The following PITPNM2 variants were observed in gnomAD, a reference collection of about 807,000 sequenced individuals.
The protein encoded by PITPNM2 is phosphatidylinositol transfer protein membrane associated 2.
In PITPNM2, 35 loss-of-function variants were observed where a neutral mutation model predicts 132.2. The ratio of observed to expected loss-of-function variants is 0.26; its 90% CI spans 0.20 to 0.35. The LOEUF (loss-of-function observed/expected upper bound fraction) is 0.35, where lower values mean the gene tolerates loss of function less well. Ranked by LOEUF, PITPNM2 falls within the 10% of genes least tolerant of loss-of-function variation. The pLI is 1.00. For missense variants in PITPNM2, 1,332 were observed against 1,912.0 expected (o/e 0.70, Z 5.66); for synonymous variants, 738 against 799.2 (o/e 0.92, Z 1.29).
chr12:123,060,126 C>T (rs1044362255), intron 2 of PITPNM2, among the ~76,000 whole-genome samples: 6 of 152,154 alleles, frequency 3.9e-5, no homozygotes, highest in African/African-American at 1.4e-4. Flanking sequence ...GAGCACAAAT[C>T]GAGGGTGAGT....
At chr12:123,130,346 G>C (rs1054316619) in intron 1 of PITPNM2, among the ~76,000 whole-genome samples, 1 of 152,116 alleles carries the variant, frequency 6.6e-6, no homozygotes, top group African/African-American at 2.4e-5. Flanking sequence ...GATAATTATA[G>C]ATGCAAAAGA....
intron 2 of PITPNM2, among the ~76,000 whole-genome samples, chr12:123,060,967 T>G (rs2041216248): frequency 6.6e-6 from 1 of 152,200 alleles, no homozygotes; most frequent in South Asian, 2.1e-4. Flanking sequence ...CATCTACCCA[T>G]GCATCCCTTC....
chr12:123,058,124 G>A lies in PITPNM2; in HGVS notation c.-95-23439C>T, dbSNP rs746462536. On this transcript the variant is annotated intron_variant, in intron 2 of 25. Transcript: ENST00000320201. This position sits in a 1 kb window ranked among gnomAD's most constrained non-coding sequence, Gnocchi z 4.0. ...CCACGTTCTTCACTTCTTCTTTTTG[G>A]GCATTTTGTCGGAAGGATAAACCAA... 6.6e-6 allele frequency among the ~76,000 whole-genome samples: 1 copy of A among 152,066 alleles called. No homozygotes were observed. Among genetic ancestry groups the A allele is most frequent in the Non-Finnish European group, 1.5e-5 (1 of 67,998 alleles).
chr12:123,143,242 G>A (rs2043544793), intron 1 of PITPNM2, among the ~76,000 whole-genome samples: 1 of 151,806 alleles, frequency 6.6e-6, no homozygotes, highest in African/African-American at 2.4e-5. Flanking sequence ...GGACACTGGT[G>A]CCCAGTGAGC....
intron 1 of PITPNM2, among the ~76,000 whole-genome samples, chr12:123,127,282 G>A (rs1431153081): frequency 6.6e-6 from 1 of 152,168 alleles, no homozygotes; most frequent in African/African-American, 2.4e-5. Context: ...AGTCCAGGTC[G>A]CAGGGGACCC....
Position 123,099,253 on chromosome 12 carries a change from C to CT in PITPNM2, c.-96+11131dup, listed in dbSNP as rs546516550. Among the ~76,000 whole-genome samples, 7 of 151,478 alleles carry CT rather than the reference C, an allele frequency of 4.6e-5. No homozygotes were observed. The highest frequency in any genetic ancestry group is 1.0e-4 in the Non-Finnish European group (7 of 67,818). ...TTTTGCTGAAAAAAAAAATATATAT[C>CT]TTTTTTTTTAAAGAATGAAACCTCA... On this transcript the variant is annotated intron_variant, in intron 2 of 25. Coordinates refer to ENST00000320201, the MANE Select transcript of PITPNM2 (RefSeq NM_020845.3). The surrounding 1 kb of genome is among the most constrained non-coding windows in gnomAD (Gnocchi z 4.2).
At chr12:123,066,938 G>A (rs980047914) in intron 2 of PITPNM2, among the ~76,000 whole-genome samples, 1 of 152,208 alleles carries the variant, frequency 6.6e-6, no homozygotes, top group Admixed American at 6.5e-5. Context: ...GGCCAGTGCA[G>A]TAGGTTTGCC....
chr12:123,128,188 T>G (rs1276495941), intron 1 of PITPNM2, among the ~76,000 whole-genome samples: 1 of 136,876 alleles, frequency 7.3e-6, no homozygotes, highest in African/African-American at 2.7e-5. Flanking sequence ...TCCTACCACT[T>G]TGGGAGGCCG....
chr12:123,028,977 T>A (rs1053865327), intron 3 of PITPNM2, among the ~76,000 whole-genome samples: 2 of 152,028 alleles, frequency 1.3e-5, no homozygotes, highest in African/African-American at 4.8e-5. Flanking sequence ...CAAGTCGGGG[T>A]GGCCTGAACC....
rs369275119 is a variant in PITPNM2 at position 123,095,051 on chromosome 12, C to A, written c.-96+15334G>T. On this transcript the variant is annotated intron_variant, in intron 2 of 25. Coordinates refer to ENST00000320201, the MANE Select transcript of PITPNM2 (RefSeq NM_020845.3). This position sits in a 1 kb window ranked among gnomAD's most constrained non-coding sequence, Gnocchi z 5.0. ...TACAACACTTTTTCTTTGGTCACTTCTTTTTCGGGGCACTGGGGCTCACAG... is the reference window on the plus strand; with the variant it reads ...TACAACACTTTTTCTTTGGTCACTTATTTTTCGGGGCACTGGGGCTCACAG... Among the ~76,000 whole-genome samples the A allele has an allele frequency of 8.5e-5, 13 of 152,348 alleles. No individual in the cohort carries two copies. In the East Asian group the frequency reaches 1.9e-3, roughly 23 times the overall value.
Position 123,150,862 on chromosome 12 carries a change from C to T in PITPNM2, c.-309G>A, listed in dbSNP as rs1357307098. ...CGCCCCGCGGCCCCGGCCCGGCCGG[C>T]TGCGCCCCGCGCGCCCCCGCCGCCT... On this transcript the variant is annotated 5_prime_UTR_variant, in exon 1 of 26. Transcript: ENST00000320201. This position sits in a 1 kb window ranked among gnomAD's most constrained non-coding sequence, Gnocchi z 6.0. Among the ~76,000 whole-genome samples, 4 of 146,066 alleles carry T rather than the reference C, an allele frequency of 2.7e-5. No homozygotes were observed. Among genetic ancestry groups the T allele is most frequent in the Admixed American group, 2.7e-4 (4 of 14,716 alleles).
rs772637661 is a variant in PITPNM2 at position 123,001,088 on chromosome 12, G to A, written c.1119C>T (p.Asp373=). 6.8e-6 allele frequency: 11 copies of A among 1,614,198 alleles called. No individual in the cohort carries two copies. In the East Asian group the frequency reaches 8.9e-5, roughly 13 times the overall value. ...ITKWSSNDLM[D]KIESPEPEDT... ...CTTCCGGCTCTGGGCTCTCGATCTTGTCCATGAGGTCATTGGAGCTCCACT... is the reference window on the plus strand; with the variant it reads ...CTTCCGGCTCTGGGCTCTCGATCTTATCCATGAGGTCATTGGAGCTCCACT... The change falls in exon 9 of 26, where the codon GAC becomes GAT. Residue 373 remains aspartate (D), a synonymous_variant. Coordinates refer to ENST00000320201, the MANE Select transcript of PITPNM2 (RefSeq NM_020845.3).
chr12:123,010,083 G>C lies in PITPNM2; in HGVS notation c.416-6C>G. On this transcript the variant is annotated splice_region_variant and splice_polypyrimidine_tract_variant and intron_variant, in intron 5 of 25. Coordinates refer to ENST00000320201, the MANE Select transcript of PITPNM2 (RefSeq NM_020845.3). ...TTTGACAATGTCGATGAAGTCTGTGGGTAAACCCTTAGAGTGGCCACTTCT... is the reference window on the plus strand; with the variant it reads ...TTTGACAATGTCGATGAAGTCTGTGCGTAAACCCTTAGAGTGGCCACTTCT... 1.2e-6 allele frequency: 2 copies of C among 1,610,652 alleles called. No homozygotes were observed. The highest frequency in any genetic ancestry group is 1.7e-6 in the Non-Finnish European group (2 of 1,177,074).
At chr12:123,043,676 G>A (rs997317919) in intron 2 of PITPNM2, among the ~76,000 whole-genome samples, 1 of 152,208 alleles carries the variant, frequency 6.6e-6, no homozygotes. Flanking sequence ...GCAGGAGTGG[G>A]ATGTTAGAGT....
At chr12:123,113,564 A>G (rs1295573704) in intron 1 of PITPNM2, among the ~76,000 whole-genome samples, 1 of 152,070 alleles carries the variant, frequency 6.6e-6, no homozygotes, top group Non-Finnish European at 1.5e-5. Flanking sequence ...AGCTGGGTGT[A>G]GTGGCACATG....
rs541994548 is a variant in PITPNM2 at position 123,010,137 on chromosome 12, C to T, written c.416-60G>A. ...CTGACCTCAACCCCCACCCACATCT[C>T]TCCATGTTCCTCCACCCCCAAATCC... On this transcript the variant is annotated intron_variant, in intron 5 of 25. Transcript: ENST00000320201. 3.0e-6 allele frequency: 4 copies of T among 1,348,734 alleles called. No homozygotes were observed. The African/African-American group carries it at 4.3e-5, about 15-fold the overall frequency. 83.5% of individuals were successfully genotyped at this position (1,348,734 alleles called of 1,614,324 possible). A position where few individuals can be genotyped will look rare whatever the true frequency, so the allele number is the denominator to read the frequency against.
At chr12:123,114,852 C>T (rs1053006458) in intron 1 of PITPNM2, among the ~76,000 whole-genome samples, 1 of 152,192 alleles carries the variant, frequency 6.6e-6, no homozygotes, top group African/African-American at 2.4e-5. Context: ...TGATTACTAC[C>T]GCTGCTTCAC....
At position 123,124,865 on chromosome 12, in the gene PITPNM2, T is replaced by C. The variant is rs528917611; in HGVS notation, c.-199-14377A>G. On this transcript the variant is annotated intron_variant, in intron 1 of 25. Transcript: ENST00000320201. ...TATTACTGAACTGTAATCTATGAGT[T>C]TGTAAGTTCCATAAGGAATGTATCT... Among the ~76,000 whole-genome samples, 90 of 152,364 alleles carry C rather than the reference T, an allele frequency of 5.9e-4. 1 individual carries two copies. The highest frequency in any genetic ancestry group is 2.1e-3 in the African/African-American group (86 of 41,588).
At chr12:122,990,782 G>A in intron 16 of PITPNM2, 73 bp from the exon 17 acceptor site, 1 of 1,472,560 alleles carries the variant, frequency 6.8e-7, no homozygotes, top group Non-Finnish European at 9.1e-7. Context: ...GGAAGCCAGT[G>A]TGCCAGGGTC....
Sources: gnomAD v4.1 joint callset for allele counts (sites outside exome capture counted in the v4.1 genomes callset) on GRCh38, gnomAD v4.1.1 for gene constraint, Gnocchi (gnomAD v3.1) non-coding constraint, MANE v1.5 for transcripts, NCBI Gene and HGNC (gene_info 2026-07-23, HGNC 2026-07-21) for gene names.